Variants in HERC1 observed in about 807,000 individuals in gnomAD.
HERC1 encodes HECT and RLD domain containing E3 ubiquitin protein ligase family member 1.
HERC1 carries 160 observed loss-of-function variants against 554.3 expected under a neutral mutation model. The observed-to-expected ratio is 0.29, with a 90% CI of 0.25 to 0.33. HERC1 has a LOEUF of 0.33. HERC1 is among the 10% of genes least tolerant of loss of function. The pLI is 1.00. For missense variants in HERC1, 4,919 were observed against 5,918.5 expected (o/e 0.83, Z 5.54); for synonymous variants, 2,175 against 2,131.7 (o/e 1.02, Z -0.56).
Position 63,830,098 on chromosome 15 carries a change from T to C in HERC1, c.-27+3729A>G, listed in dbSNP as rs559483174. On this transcript the variant is annotated intron_variant, in intron 1 of 77. Transcript: ENST00000443617. ...GCAGACAAGATCTACCAATGGATGTTAAAAATCAATGGGAGAAAGTTTGAG... is the reference window on the plus strand; with the variant it reads ...GCAGACAAGATCTACCAATGGATGTCAAAAATCAATGGGAGAAAGTTTGAG... 3.3e-5 allele frequency among the ~76,000 whole-genome samples: 5 copies of C among 152,310 alleles called. No individual in the cohort carries two copies. In the South Asian group the frequency reaches 1.0e-3, roughly 32 times the overall value.
chr15:63,765,017 C>A (rs1463600541), intron 2 of HERC1, among the ~76,000 whole-genome samples: 2 of 152,138 alleles, frequency 1.3e-5, no homozygotes, highest in Non-Finnish European at 2.9e-5. Flanking sequence ...CTCCAATTCA[C>A]CCTGACAAAA....
rs1384463235 is a variant in HERC1 at position 63,612,700 on chromosome 15, G to A, written c.14095-144C>T. 1 of 755,482 alleles carries A rather than the reference G, an allele frequency of 1.3e-6. No individual in the cohort carries two copies. Among genetic ancestry groups the A allele is most frequent in the Admixed American group, 3.0e-5 (1 of 33,674 alleles). 46.8% of individuals were successfully genotyped at this position (755,482 alleles called of 1,614,324 possible). On this transcript the variant is annotated intron_variant, in intron 76 of 77. Coordinates refer to ENST00000443617, the MANE Select transcript of HERC1 (RefSeq NM_003922.4). The surrounding 1 kb of genome is among the most constrained non-coding windows in gnomAD (Gnocchi z 5.0). ...GTTTCTCAGACCGCCAGGCACGAGA[G>A]TCAGTCAAAAAGGCCCACCCTCCCT... is the stretch of plus-strand genomic sequence containing the variant.
rs570959122 is a variant in HERC1 at position 63,660,276 on chromosome 15, C to T, written c.9224-340G>A. 1.2e-3 allele frequency among the ~76,000 whole-genome samples: 186 copies of T among 152,194 alleles called. 1 individual carries two copies. The highest frequency in any genetic ancestry group is 4.4e-3 in the African/African-American group (182 of 41,522). On this transcript the variant is annotated intron_variant, in intron 46 of 77. Transcript: ENST00000443617. ...CCGTGGCTGCAGTAAGCTGAGATCA[C>T]GCCACAGCACTACAGCCTGGACAAC...
Position 63,756,616 on chromosome 15 carries a change from C to G in HERC1, c.1354G>C (p.Glu452Gln). The G allele has an allele frequency of 1.2e-6, 2 of 1,613,718 alleles. No individual in the cohort carries two copies. Among genetic ancestry groups the G allele is most frequent in the Non-Finnish European group, 1.7e-6 (2 of 1,179,764 alleles). ...NQSTLKKLTF[E>Q]PHRSIKKVSS... ...ACCTTTTTAATGGATCTGTGAGGCT[C>G]GAATGTTAACTTTTTTAAAGTTGAC... The change falls in exon 5 of 78, where the codon GAG becomes CAG. Residue 452 changes from glutamate (E) to glutamine (Q), a missense_variant. Coordinates refer to ENST00000443617, the MANE Select transcript of HERC1 (RefSeq NM_003922.4). The surrounding 1 kb of genome is among the most constrained non-coding windows in gnomAD (Gnocchi z 5.0).
At position 63,729,747 on chromosome 15, in the gene HERC1, G is replaced by A. The variant is rs539969838; in HGVS notation, c.2869-98C>T. The A allele has an allele frequency of 4.2e-6, 5 of 1,191,484 alleles. No homozygotes were observed. The East Asian group carries it at 7.5e-5, about 18-fold the overall frequency. The allele number at this position is 1,191,484 out of a possible 1,614,324, so 73.8% of individuals were successfully genotyped here. ...ATTTAAGCAGCATTATATGGGCTGG[G>A]TGCGGTGACTCACACCTGTAATCCC... On this transcript the variant is annotated intron_variant, in intron 14 of 77. Transcript: ENST00000443617.
intron 2 of HERC1, among the ~76,000 whole-genome samples, chr15:63,773,930 A>G (rs2076034171): frequency 6.6e-6 from 1 of 152,180 alleles, no homozygotes; most frequent in South Asian, 2.1e-4. Flanking sequence ...AATTGATTAT[A>G]CTACGCTATT....
chr15:63,619,455 CTCT>C (rs2067970821), intron 74 of HERC1, among the ~76,000 whole-genome samples: 1 of 152,102 alleles, frequency 6.6e-6, no homozygotes, highest in South Asian at 2.1e-4. Context: ...GTCTAAAATT[CTCT>C]TTTTTTGTTG....
In HERC1 at chr15:63,633,844, T is replaced by C; in HGVS notation, c.12693+4A>G. 5.6e-6 allele frequency: 9 copies of C among 1,612,538 alleles called. No individual in the cohort carries two copies. The highest frequency in any genetic ancestry group is 7.6e-6 in the Non-Finnish European group (9 of 1,179,150). On this transcript the variant is annotated splice_donor_region_variant and intron_variant, in intron 67 of 77. Transcript: ENST00000443617. ...TGAAAACCTAGACTCAAGGCAGTACTGACCTGAGGTGAAGATTTTGCAGTG... is the reference window on the plus strand; with the variant it reads ...TGAAAACCTAGACTCAAGGCAGTACCGACCTGAGGTGAAGATTTTGCAGTG...
intron 74 of HERC1, among the ~76,000 whole-genome samples, chr15:63,619,910 A>G (rs373699871): frequency 1.3e-5 from 2 of 151,938 alleles, no homozygotes; most frequent in African/African-American, 2.4e-5. Context: ...TCTTGCTAGC[A>G]GTCTATCAAT....
chr15:63,647,907 C>G (rs1309249885), intron 55 of HERC1, among the ~76,000 whole-genome samples, 162 bp downstream of exon 55: 1 of 152,128 alleles, frequency 6.6e-6, no homozygotes, highest in Admixed American at 6.6e-5. Context: ...AAGGTGAGGG[C>G]TGGGAGGAGG....
At chr15:63,785,445 C>T (rs1253054662) in intron 1 of HERC1, among the ~76,000 whole-genome samples, 1 of 151,912 alleles carries the variant, frequency 6.6e-6, no homozygotes, top group Non-Finnish European at 1.5e-5. Context: ...ATTAATAATT[C>T]AATTCAAAAT....
intron 1 of HERC1, among the ~76,000 whole-genome samples, chr15:63,811,917 T>G (rs548005144): frequency 6.6e-6 from 1 of 152,320 alleles, no homozygotes; most frequent in Admixed American, 6.5e-5. Context: ...GTTAACCATG[T>G]TCTTCCTGAT....
At position 63,666,169 on chromosome 15, in the gene HERC1, G is replaced by A. The variant is rs776035813; in HGVS notation, c.8324-19C>T. The A allele has an allele frequency of 7.0e-6, 11 of 1,581,114 alleles. No individual in the cohort carries two copies. The South Asian group carries it at 1.1e-4, about 16-fold the overall frequency. ...CTAGCACCTATACAGGGGAAAAACA[G>A]TCTGATGCTGACTTTGGGCAAAGAA... On this transcript the variant is annotated intron_variant, in intron 41 of 77. Transcript: ENST00000443617.
chr15:63,804,775 G>C (rs1013559737), intron 1 of HERC1, among the ~76,000 whole-genome samples: 34 of 152,212 alleles, frequency 2.2e-4, no homozygotes, highest in African/African-American at 7.5e-4. Flanking sequence ...TTTTTAAAAT[G>C]AGCAAAATAT....
intron 65 of HERC1, among the ~76,000 whole-genome samples, chr15:63,635,108 T>C (rs1595865495): frequency 3.3e-5 from 5 of 152,042 alleles, no homozygotes; most frequent in Non-Finnish European, 1.5e-5. Context: ...AGTGCAGTGG[T>C]GTGATCACAG....
At chr15:63,787,603 G>A (rs572927415) in intron 1 of HERC1, among the ~76,000 whole-genome samples, 17 of 152,140 alleles carry the variant, frequency 1.1e-4, no homozygotes, top group African/African-American at 3.9e-4. Context: ...ACTTTGATGG[G>A]TCAAACTATT....
At chr15:63,751,473 T>C (rs571989896) in intron 8 of HERC1, among the ~76,000 whole-genome samples, 1 of 152,306 alleles carries the variant, frequency 6.6e-6, no homozygotes, top group African/African-American at 2.4e-5. Flanking sequence ...ATCACTGTAA[T>C]ACTGTCACTC....
intron 47 of HERC1, 23 bp downstream of exon 47, chr15:63,659,713 T>G (rs202170792): frequency 6.2e-5 from 98 of 1,569,128 alleles, no homozygotes; most frequent in Middle Eastern, 3.4e-4. Flanking sequence ...ATAAAATCAA[T>G]GCAAATCAGG....
chr15:63,636,501 C>T (rs745528402), intron 64 of HERC1, among the ~76,000 whole-genome samples: 6 of 152,032 alleles, frequency 3.9e-5, no homozygotes, highest in African/African-American at 1.2e-4. Flanking sequence ...GAACTCCTGA[C>T]CTCAAGTGAT....
Sources: gnomAD v4.1 joint callset for allele counts (sites outside exome capture counted in the v4.1 genomes callset) on GRCh38, gnomAD v4.1.1 for gene constraint, Gnocchi (gnomAD v3.1) non-coding constraint, MANE v1.5 for transcripts, NCBI Gene and HGNC (gene_info 2026-07-23, HGNC 2026-07-21) for gene names.